The following RPGRIP1L variants were observed in gnomAD, a reference collection of about 807,000 sequenced individuals.
RPGRIP1L encodes the protein protein fantom.
Under a neutral mutation model 160.4 loss-of-function variants are expected in RPGRIP1L, and 131 were observed. The observed-to-expected ratio is 0.82, with a 90% CI of 0.71 to 0.94. The LOEUF (loss-of-function observed/expected upper bound fraction) is 0.94, where lower values mean the gene tolerates loss of function less well. Among genes scored for constraint, RPGRIP1L ranks in the 40% least tolerant of loss-of-function variants. The probability of loss-of-function intolerance (pLI) is 0.00; values close to 1 mark genes in which losing one functional copy is unlikely to be tolerated. For synonymous variants in RPGRIP1L, 510 were observed against 515.8 expected (o/e 0.99, Z 0.15); for missense variants, 1,522 against 1,535.8 (o/e 0.99, Z 0.15).
At chr16:53,648,831 G>T in intron 16 of RPGRIP1L, 133 bp downstream of exon 16, 1 of 802,194 alleles carries the variant, frequency 1.2e-6, no homozygotes, top group Non-Finnish European at 2.1e-6. Flanking sequence ...GTGAGTATAT[G>T]ATTACTTCAA....
At position 53,600,526 on chromosome 16, in the gene RPGRIP1L, C is replaced by G. The variant is rs1488973258; in HGVS notation, c.*1550G>C. On this transcript the variant is annotated 3_prime_UTR_variant, in exon 27 of 27. Transcript: ENST00000647211. Reference sequence around the variant, plus strand: ...TAGATTTCTGTGGTCAGATCATACTCTACTGGTCCCACAATGTACATCAAC... The same window carrying G: ...TAGATTTCTGTGGTCAGATCATACTGTACTGGTCCCACAATGTACATCAAC... 1 of 152,624 alleles carries G rather than the reference C, an allele frequency of 6.6e-6. No individual in the cohort carries two copies. Among genetic ancestry groups the G allele is most frequent in the Non-Finnish European group, 1.5e-5 (1 of 68,044 alleles). 9.5% of individuals were successfully genotyped at this position (152,624 alleles called of 1,614,324 possible).
intron 24 of RPGRIP1L, among the ~76,000 whole-genome samples, chr16:53,612,640 A>G (rs1242216552): frequency 6.6e-6 from 1 of 152,114 alleles, no homozygotes; most frequent in Non-Finnish European, 1.5e-5. Flanking sequence ...AAAAGACTGA[A>G]TTTCAAATGC....
intron 26 of RPGRIP1L, 37 bp downstream of exon 26, chr16:53,605,444 G>A (rs1360109979): frequency 6.2e-7 from 1 of 1,612,786 alleles, no homozygotes. Context: ...TTCAGCAATT[G>A]TTGGTTGCAC....
At chr16:53,628,183 G>C (rs1422674708) in intron 22 of RPGRIP1L, 3 of 151,982 alleles carry the variant, frequency 2.0e-5, no homozygotes, top group African/African-American at 4.8e-5. Context: ...AGGAGCCACA[G>C]TATGTAGAAC....
rs371733242 is a variant in RPGRIP1L, at chr16:53,675,570, C to T, written c.777-448G>A. Among the ~76,000 whole-genome samples the T allele has an allele frequency of 9.9e-5, 15 of 152,248 alleles. No homozygotes were observed. The East Asian group carries it at 1.5e-3, about 16-fold the overall frequency. On this transcript the variant is annotated intron_variant, in intron 6 of 26. Coordinates refer to ENST00000647211, the MANE Select transcript of RPGRIP1L (RefSeq NM_015272.5). ...TACAGCCATTCATCTTTCTACAACT[C>T]TCTCGACGCAAATGGCATCATAAGA... is the stretch of plus-strand genomic sequence containing the variant.
At chr16:53,701,713 G>A (rs530949664) in intron 1 of RPGRIP1L, 2 of 151,966 alleles carry the variant, frequency 1.3e-5, no homozygotes, top group Non-Finnish European at 2.9e-5. Flanking sequence ...GGCTAGCATA[G>A]AGCGTGGTGC....
At chr16:53,645,239 T>C (rs1020889783) in intron 17 of RPGRIP1L, among the ~76,000 whole-genome samples, 1 of 152,108 alleles carries the variant, frequency 6.6e-6, no homozygotes, top group African/African-American at 2.4e-5. Flanking sequence ...TAAGATTTTA[T>C]AAAGCAATGA....
intron 9 of RPGRIP1L, among the ~76,000 whole-genome samples, chr16:53,670,120 T>C (rs547797984): frequency 2.0e-5 from 3 of 152,292 alleles, no homozygotes; most frequent in Admixed American, 6.5e-5. Flanking sequence ...TGTACAAAGA[T>C]AGTCCCAAGT....
intron 15 of RPGRIP1L, among the ~76,000 whole-genome samples, chr16:53,649,484 TTGTC>T (rs1966802117): frequency 6.6e-6 from 1 of 152,198 alleles, no homozygotes; most frequent in African/African-American, 2.4e-5. Flanking sequence ...GCACTCAATG[TTGTC>T]TGACATTTAC....
At chr16:53,641,194 A>G (rs770896100) in intron 18 of RPGRIP1L, 78 bp from the exon 19 acceptor site, 139 of 1,442,540 alleles carry the variant, frequency 9.6e-5, no homozygotes, top group Non-Finnish European at 1.3e-4. Context: ...TATTATTATT[A>G]TTTTTTTTTG....
At chr16:53,673,992 C>T (rs1380089031) in intron 7 of RPGRIP1L, among the ~76,000 whole-genome samples, 1 of 152,062 alleles carries the variant, frequency 6.6e-6, no homozygotes, top group African/African-American at 2.4e-5. Flanking sequence ...TTTTCAATTC[C>T]TTTCTTAATT....
In RPGRIP1L at chr16:53,609,453, C is replaced by T. The variant is rs541996885; in HGVS notation, c.3701+1514G>A. ...AATAAGTGGGTCCTCTGAGGAAAGGCAGGTCTAACACAAAAGCAGAACTTG... is the reference window on the plus strand; with the variant it reads ...AATAAGTGGGTCCTCTGAGGAAAGGTAGGTCTAACACAAAAGCAGAACTTG... On this transcript the variant is annotated intron_variant, in intron 25 of 26. Coordinates refer to ENST00000647211, the MANE Select transcript of RPGRIP1L (RefSeq NM_015272.5). 7.2e-5 allele frequency among the ~76,000 whole-genome samples: 11 copies of T among 152,194 alleles called. No individual in the cohort carries two copies. The South Asian group carries it at 2.1e-3, about 29-fold the overall frequency.
chr16:53,672,765 A>G, intron 8 of RPGRIP1L, 105 bp downstream of exon 8: 1 of 1,033,144 alleles, frequency 9.7e-7, no homozygotes, highest in Non-Finnish European at 1.5e-6. Context: ...TACATAACTT[A>G]TAATTTTAAA....
chr16:53,658,014 A>C (rs1450924322), intron 12 of RPGRIP1L, among the ~76,000 whole-genome samples: 2 of 152,188 alleles, frequency 1.3e-5, no homozygotes, highest in Non-Finnish European at 2.9e-5. Flanking sequence ...AGAATTAAAA[A>C]TTATCTTCTT....
In RPGRIP1L at chr16:53,601,218, A is replaced by G. The variant is rs1963363946; in HGVS notation, c.*858T>C. The stretch of plus-strand genomic sequence containing the variant: ...TGGCTTGATGTAAATTTAAAAAATG[A>G]TAAAAAGATACTCCTTTCACGTCTA... On this transcript the variant is annotated 3_prime_UTR_variant, in exon 27 of 27. Transcript: ENST00000647211. 6.6e-6 allele frequency: 1 copy of G among 152,634 alleles called. No individual in the cohort carries two copies. Among genetic ancestry groups the G allele is most frequent in the South Asian group, 2.1e-4 (1 of 4,832 alleles). The allele number at this position is 152,634 out of a possible 1,614,324, so 9.5% of individuals were successfully genotyped here.
chr16:53,638,494 A>G, intron 19 of RPGRIP1L, 83 bp from the exon 20 acceptor site: 1 of 751,638 alleles, frequency 1.3e-6, no homozygotes, highest in Non-Finnish European at 2.3e-6. Context: ...TACATATTGA[A>G]CTACTAAAAA....
chr16:53,603,118 G>T (rs1238586903), intron 26 of RPGRIP1L, among the ~76,000 whole-genome samples: 1 of 152,056 alleles, frequency 6.6e-6, no homozygotes, highest in Non-Finnish European at 1.5e-5. Flanking sequence ...TAGGATTAGA[G>T]GCCTGAGCCA....
intron 7 of RPGRIP1L, among the ~76,000 whole-genome samples, chr16:53,673,349 T>C (rs775249079): frequency 6.6e-6 from 1 of 152,292 alleles, no homozygotes; most frequent in Non-Finnish European, 1.5e-5. Flanking sequence ...GTGGTTACAT[T>C]GGTTGGACAT....
In RPGRIP1L at chr16:53,657,491, T is replaced by A; in HGVS notation, c.1543A>T (p.Met515Leu). 1 of 1,613,170 alleles carries A rather than the reference T, an allele frequency of 6.2e-7. No homozygotes were observed. The highest frequency in any genetic ancestry group is 8.5e-7 in the Non-Finnish European group (1 of 1,179,464). The change falls in exon 13 of 27, where the codon ATG becomes TTG. Residue 515 changes from methionine (M) to leucine (L), a missense_variant. Met to Leu is a conservative substitution (Grantham distance 15). Transcript: ENST00000647211. ...TTAATTTTGTGTTGCATAATTAGCA[T>A]GTTTCTTGTCTTTTCCAGCTCTTGC... ...TVQELEKTRN[M>L]LIMQHKINKD...
Sources: allele counts gnomAD v4.1 joint callset (sites outside exome capture counted in the v4.1 genomes callset), GRCh38; gene constraint gnomAD v4.1.1; transcripts MANE v1.5; gene names NCBI Gene and HGNC (gene_info 2026-07-23, HGNC 2026-07-21).